Variants in CENPW observed in about 807,000 individuals in gnomAD.
CENPW encodes cancer-up-regulated gene 2 protein.
CENPW carries 3 observed loss-of-function variants against 11.1 expected under a neutral mutation model. That is an observed-to-expected ratio of 0.27 (90% CI 0.12 to 0.70). The LOEUF (loss-of-function observed/expected upper bound fraction) is 0.70, where lower values mean the gene tolerates loss of function less well. CENPW is among the 30% of genes least tolerant of loss of function. The pLI is 0.77. For missense variants in CENPW, 100 were observed against 105.6 expected (o/e 0.95, Z 0.23); for synonymous variants, 38 against 42.0 (o/e 0.91, Z 0.37).
At chr6:126,465,347 C>T in the CENPW span, among the ~76,000 whole-genome samples, 1 of 151,948 alleles carries the variant, frequency 6.6e-6, no homozygotes, top group African/African-American at 2.4e-5. Flanking sequence ...ACCTTTGAAA[C>T]TATAAAATAT....
chr6:126,391,366 A>T, the CENPW span, among the ~76,000 whole-genome samples: 5 of 151,882 alleles, frequency 3.3e-5, no homozygotes, highest in South Asian at 1.0e-3. Flanking sequence ...TATTCTGGTT[A>T]TTAACGCCTT....
chr6:126,417,038 C>T, the CENPW span, among the ~76,000 whole-genome samples: 1 of 152,322 alleles, frequency 6.6e-6, no homozygotes, highest in Non-Finnish European at 1.5e-5. Context: ...ATGAAAGCAG[C>T]TGGGAAGGAG....
At chr6:126,479,145 T>C in the CENPW span, among the ~76,000 whole-genome samples, 69 of 152,180 alleles carry the variant, frequency 4.5e-4, 1 homozygote, top group Non-Finnish European at 1.9e-4. Flanking sequence ...TAGGGAACTA[T>C]AGTCTGTTCT....
chr6:126,458,981 T>C, the CENPW span, among the ~76,000 whole-genome samples: 24 of 151,588 alleles, frequency 1.6e-4, no homozygotes, highest in Admixed American at 5.9e-4. Context: ...CTAAGTTCTC[T>C]AGGGTGTTTT....
At chr6:126,459,246 A>C in the CENPW span, among the ~76,000 whole-genome samples, 1 of 151,442 alleles carries the variant, frequency 6.6e-6, no homozygotes, top group Non-Finnish European at 1.5e-5. Flanking sequence ...TAGAGAGTCT[A>C]TATTTTAGAC....
At chr6:126,411,435 G>T in the CENPW span, among the ~76,000 whole-genome samples, 1 of 152,196 alleles carries the variant, frequency 6.6e-6, no homozygotes, top group Non-Finnish European at 1.5e-5. Context: ...ATAAACAGCT[G>T]CAGTGCTGCT....
chr6:126,375,862 C>T, the CENPW span, among the ~76,000 whole-genome samples: 1 of 152,026 alleles, frequency 6.6e-6, no homozygotes, highest in African/African-American at 2.4e-5. Flanking sequence ...TCCTTTACTC[C>T]TTTGAGGAGG....
downstream of CENPW, among the ~76,000 whole-genome samples, chr6:126,352,251 A>C (rs1487865170): frequency 2.0e-5 from 3 of 152,128 alleles, 1 homozygote; most frequent in Non-Finnish European, 4.4e-5. Context: ...TGTGTCCTGC[A>C]AGCCAAGTTA....
the CENPW span, among the ~76,000 whole-genome samples, chr6:126,366,574 A>G: frequency 6.6e-6 from 1 of 152,128 alleles, no homozygotes; most frequent in African/African-American, 2.4e-5. Context: ...CCATTTTATG[A>G]ATAGTTTCTG....
intron 2 of CENPW, 134 bp downstream of exon 2, chr6:126,346,452 G>T: frequency 6.2e-6 from 3 of 483,934 alleles, no homozygotes; most frequent in Non-Finnish European, 1.1e-5. Context: ...ATGAATTAAT[G>T]ATTTTAATTA....
At chr6:126,415,425 A>G in the CENPW span, among the ~76,000 whole-genome samples, 7 of 152,168 alleles carry the variant, frequency 4.6e-5, no homozygotes, top group Admixed American at 3.3e-4. Flanking sequence ...AAAATTAAAT[A>G]TATCATTAAA....
At chr6:126,453,062 T>C in the CENPW span, among the ~76,000 whole-genome samples, 1 of 151,088 alleles carries the variant, frequency 6.6e-6, no homozygotes, top group East Asian at 1.9e-4. Context: ...GATATGAAAT[T>C]ACAGTAAAAT....
chr6:126,358,150 T>C, the CENPW span, among the ~76,000 whole-genome samples: 1 of 152,204 alleles, frequency 6.6e-6, no homozygotes, highest in Admixed American at 6.5e-5. Flanking sequence ...TAGAATCATA[T>C]CGTTAGTAAA....
At position 126,348,556 on chromosome 6, in the gene CENPW, A is replaced by T; in HGVS notation, c.*64A>T. 1 of 923,382 alleles carries T rather than the reference A, an allele frequency of 1.1e-6. No homozygotes were observed. The highest frequency in any genetic ancestry group is 1.4e-5 in the South Asian group (1 of 70,896). 57.2% of individuals were successfully genotyped at this position (923,382 alleles called of 1,614,324 possible). A position where few individuals can be genotyped will look rare whatever the true frequency, so the allele number is the denominator to read the frequency against. ...TTTTGGGTGGTAACAGATCATAAAG[A>T]CATTTTTTACACATCAGTTAATATG... is the stretch of plus-strand genomic sequence containing the variant. On this transcript the variant is annotated 3_prime_UTR_variant, in exon 3 of 3. Transcript: ENST00000368328.
the CENPW span, among the ~76,000 whole-genome samples, chr6:126,360,887 T>A: frequency 6.6e-6 from 1 of 151,704 alleles, no homozygotes; most frequent in Non-Finnish European, 1.5e-5. Context: ...TTCTTTGCCA[T>A]CCAGATTCTG....
chr6:126,435,750 A>C, the CENPW span, among the ~76,000 whole-genome samples: 1 of 151,938 alleles, frequency 6.6e-6, no homozygotes, highest in African/African-American at 2.4e-5. Flanking sequence ...CTTATTAGAT[A>C]GAGGCATCTG....
At chr6:126,343,457 G>C (rs1780351179) in intron 1 of CENPW, among the ~76,000 whole-genome samples, 1 of 152,148 alleles carries the variant, frequency 6.6e-6, no homozygotes, top group African/African-American at 2.4e-5. Context: ...AGTTTATTAA[G>C]GAGTATTGAC....
At chr6:126,447,025 A>G in the CENPW span, among the ~76,000 whole-genome samples, 1 of 151,174 alleles carries the variant, frequency 6.6e-6, no homozygotes, top group Non-Finnish European at 1.5e-5. Flanking sequence ...CCCAAACTAG[A>G]AAATTTGTAA....
chr6:126,409,525 A>G, the CENPW span, among the ~76,000 whole-genome samples: 10 of 152,190 alleles, frequency 6.6e-5, no homozygotes, highest in Middle Eastern at 3.4e-3. Context: ...TGAAGTATCA[A>G]ACTACTAATG....
Sources: gnomAD v4.1 joint callset for allele counts (sites outside exome capture counted in the v4.1 genomes callset) on GRCh38, gnomAD v4.1.1 for gene constraint, MANE v1.5 for transcripts, NCBI Gene and HGNC (gene_info 2026-07-23, HGNC 2026-07-21) for gene names.